The following ADGRA3 variants were observed in gnomAD, a reference collection of about 807,000 sequenced individuals.
ADGRA3 encodes the protein G-protein coupled receptor 125.
ADGRA3 carries 56 observed loss-of-function variants against 119.8 expected under a neutral mutation model. The ratio of observed to expected loss-of-function variants is 0.47; its 90% CI spans 0.38 to 0.58. ADGRA3 has a LOEUF of 0.58. ADGRA3 is among the 20% of genes least tolerant of loss of function. ADGRA3 has a pLI of 0.00. For missense variants in ADGRA3, 1,516 were observed against 1,649.0 expected (o/e 0.92, Z 1.40); for synonymous variants, 607 against 623.8 (o/e 0.97, Z 0.40).
Position 22,444,964 on chromosome 4 carries a change from C to T in ADGRA3, c.706+9G>A, listed in dbSNP as rs745692861. 6.2e-7 allele frequency: 1 copy of T among 1,612,290 alleles called. No individual in the cohort carries two copies. Among genetic ancestry groups the T allele is most frequent in the East Asian group, 2.2e-5 (1 of 44,866 alleles). On this transcript the variant is annotated intron_variant, in intron 6 of 18. Transcript: ENST00000334304. ...GTAAATGCTTTCTCAGTTTGGATTT[C>T]TCCCTTACCGCATGTCAACAGCTCC... is the stretch of plus-strand genomic sequence containing the variant.
chr4:22,500,864 G>C (rs1577386412), intron 1 of ADGRA3, among the ~76,000 whole-genome samples: 2 of 152,256 alleles, frequency 1.3e-5, no homozygotes, highest in African/African-American at 4.8e-5. Flanking sequence ...TAAGTAGACT[G>C]CCTACTTTAA....
chr4:22,468,019 A>C (rs1717722679), intron 2 of ADGRA3, among the ~76,000 whole-genome samples: 1 of 152,212 alleles, frequency 6.6e-6, no homozygotes, highest in South Asian at 2.1e-4. Context: ...CAATCACAAA[A>C]GTAATTATCT....
chr4:22,511,929 C>T (rs1307649603), intron 1 of ADGRA3, among the ~76,000 whole-genome samples: 23 of 127,534 alleles, frequency 1.8e-4, no homozygotes, highest in African/African-American at 6.4e-4. Flanking sequence ...CAGAGTCTCA[C>T]TCTGTCACCC....
At chr4:22,456,728 C>T (rs1717252195) in intron 3 of ADGRA3, among the ~76,000 whole-genome samples, 1 of 152,110 alleles carries the variant, frequency 6.6e-6, no homozygotes, top group Admixed American at 6.5e-5. Flanking sequence ...CTAATAAATC[C>T]CCTCTCATAC....
intron 1 of ADGRA3, among the ~76,000 whole-genome samples, chr4:22,512,313 C>T (rs1719477653): frequency 6.6e-6 from 1 of 152,078 alleles, no homozygotes; most frequent in Admixed American, 6.5e-5. Flanking sequence ...GCTACATGTG[C>T]ACCCTGGTAA....
At chr4:22,443,918 G>GA (rs574811510) in intron 6 of ADGRA3, among the ~76,000 whole-genome samples, 208 of 152,096 alleles carry the variant, frequency 1.4e-3, no homozygotes, top group African/African-American at 4.7e-3. Context: ...AAGAGAAAAG[G>GA]AAAAAAATAT....
intron 1 of ADGRA3, among the ~76,000 whole-genome samples, chr4:22,493,933 G>C (rs372293115): frequency 6.6e-6 from 1 of 152,148 alleles, no homozygotes; most frequent in South Asian, 2.1e-4. Flanking sequence ...GGCCAGGCGC[G>C]GTGGCTCACA....
intron 2 of ADGRA3, among the ~76,000 whole-genome samples, chr4:22,467,546 A>G (rs1717703031): frequency 2.0e-5 from 3 of 152,244 alleles, no homozygotes; most frequent in Non-Finnish European, 2.9e-5. Flanking sequence ...TGAGTTAGTT[A>G]GCTAAAGCAG....
intron 1 of ADGRA3, among the ~76,000 whole-genome samples, chr4:22,487,279 C>T (rs1401786477): frequency 6.6e-6 from 1 of 152,182 alleles, no homozygotes; most frequent in Non-Finnish European, 1.5e-5. Flanking sequence ...ACCTTTTTAG[C>T]TCCAGGAATT....
chr4:22,430,349 A>G (rs1457468568), intron 10 of ADGRA3, among the ~76,000 whole-genome samples: 1 of 152,180 alleles, frequency 6.6e-6, no homozygotes, highest in Non-Finnish European at 1.5e-5. Flanking sequence ...AAAATGTGGG[A>G]AACTTTGGAA....
At chr4:22,456,012 T>C (rs1394386862) in intron 3 of ADGRA3, among the ~76,000 whole-genome samples, 1 of 152,200 alleles carries the variant, frequency 6.6e-6, no homozygotes, top group Admixed American at 6.5e-5. Flanking sequence ...AATGTCCCTA[T>C]TATTCTCTGT....
chr4:22,438,439 TA>T lies in ADGRA3; in HGVS notation c.921-20del. On this transcript the variant is annotated intron_variant, in intron 7 of 18. Transcript: ENST00000334304. The stretch of plus-strand genomic sequence containing the variant: ...TAGGGCACTGCATAAAGAAAGATTT[TA>T]AAAAGAGAGAAAATATAATTAGGCA... 6.3e-7 allele frequency: 1 copy of T among 1,599,258 alleles called. No homozygotes were observed. The highest frequency in any genetic ancestry group is 8.5e-7 in the Non-Finnish European group (1 of 1,171,842).
intron 4 of ADGRA3, among the ~76,000 whole-genome samples, chr4:22,447,818 T>C (rs1716885088): frequency 1.3e-5 from 2 of 152,154 alleles, no homozygotes; most frequent in South Asian, 4.1e-4. Context: ...CTAGAATTAC[T>C]CGAAGGGTTC....
chr4:22,445,463 C>T (rs188356859), intron 5 of ADGRA3, among the ~76,000 whole-genome samples: 16 of 152,206 alleles, frequency 1.1e-4, no homozygotes, highest in Admixed American at 7.2e-4. Context: ...TTTTGTCTAT[C>T]GAACTTCTAC....
intron 1 of ADGRA3, among the ~76,000 whole-genome samples, chr4:22,485,229 G>A (rs1480227524): frequency 3.3e-5 from 5 of 152,000 alleles, no homozygotes; most frequent in African/African-American, 4.8e-5. Flanking sequence ...TCATAGACAT[G>A]GGCCACCATA....
At chr4:22,432,851 C>T (rs976426876) in intron 10 of ADGRA3, among the ~76,000 whole-genome samples, 1 of 152,170 alleles carries the variant, frequency 6.6e-6, no homozygotes, top group Non-Finnish European at 1.5e-5. Flanking sequence ...GCAATTCCCC[C>T]ACAATACTTT....
intron 14 of ADGRA3, among the ~76,000 whole-genome samples, chr4:22,407,436 TTAC>T (rs1448780934): frequency 1.3e-5 from 2 of 152,062 alleles, no homozygotes; most frequent in African/African-American, 4.8e-5. Flanking sequence ...AACAAAAACA[TTAC>T]TAAACACACT....
intron 1 of ADGRA3, among the ~76,000 whole-genome samples, chr4:22,493,618 G>A (rs1718705901): frequency 6.6e-6 from 1 of 152,126 alleles, no homozygotes; most frequent in African/African-American, 2.4e-5. Context: ...TAAAGCACTA[G>A]GACTTTTTAC....
chr4:22,464,426 T>C (rs941730160), intron 2 of ADGRA3, among the ~76,000 whole-genome samples: 1 of 152,194 alleles, frequency 6.6e-6, no homozygotes, highest in Non-Finnish European at 1.5e-5. Context: ...ACAAATCCCA[T>C]CCTTCTCTCT....
Sources: allele counts gnomAD v4.1 joint callset (sites outside exome capture counted in the v4.1 genomes callset), GRCh38; gene constraint gnomAD v4.1.1; transcripts MANE v1.5; gene names NCBI Gene and HGNC (gene_info 2026-07-23, HGNC 2026-07-21).